PSMA1: variants seen among roughly 807,000 people sequenced by gnomAD.
PSMA1 encodes the protein proteasome subunit alpha type-1.
A neutral mutation model predicts 38.4 loss-of-function variants in PSMA1; 3 were observed. That is an observed-to-expected ratio of 0.08 (90% CI 0.04 to 0.20). The LOEUF is 0.20. Among genes scored for constraint, PSMA1 ranks in the 10% least tolerant of loss-of-function variants. The probability of loss-of-function intolerance (pLI) is 1.00; values close to 1 mark genes in which losing one functional copy is unlikely to be tolerated. For missense variants in PSMA1, 227 were observed against 325.3 expected (o/e 0.70, Z 2.32); for synonymous variants, 101 against 107.1 (o/e 0.94, Z 0.35).
intron 1 of PSMA1, among the ~76,000 whole-genome samples, chr11:14,616,953 A>T (rs1313293923): frequency 3.3e-5 from 5 of 152,206 alleles, no homozygotes; most frequent in Non-Finnish European, 7.3e-5. Context: ...GTATCTATGA[A>T]CAAAAGGGAT....
chr11:14,533,764 A>G (rs1252921830), intron 2 of PSMA1, among the ~76,000 whole-genome samples: 1 of 151,612 alleles, frequency 6.6e-6, no homozygotes, highest in East Asian at 1.9e-4. Flanking sequence ...CCCTCTTCTC[A>G]TTTCACAAGA....
At chr11:14,509,191 T>A (rs1470862356) in intron 8 of PSMA1, among the ~76,000 whole-genome samples, 1 of 152,160 alleles carries the variant, frequency 6.6e-6, no homozygotes, top group Non-Finnish European at 1.5e-5. Flanking sequence ...CTGACCTTCC[T>A]CCCCAACGCC....
intron 2 of PSMA1, among the ~76,000 whole-genome samples, chr11:14,527,108 C>G (rs1851595067): frequency 2.0e-5 from 3 of 152,162 alleles, no homozygotes. Flanking sequence ...TTAATAAAAA[C>G]TCTTCTCAAG....
At chr11:14,627,524 C>T (rs1852928596) in intron 1 of PSMA1, among the ~76,000 whole-genome samples, 1 of 152,180 alleles carries the variant, frequency 6.6e-6, no homozygotes. Flanking sequence ...CTTTGGAGTT[C>T]CATGGCCTGG....
At chr11:14,600,197 A>G (rs1310763197) in intron 2 of PSMA1, among the ~76,000 whole-genome samples, 1 of 152,100 alleles carries the variant, frequency 6.6e-6, no homozygotes, top group African/African-American at 2.4e-5. Context: ...GGTTACACGG[A>G]GGTTAGGGAT....
intron 2 of PSMA1, among the ~76,000 whole-genome samples, chr11:14,556,496 T>C (rs1269251455): frequency 4.6e-5 from 7 of 152,184 alleles, no homozygotes. Context: ...GTGTCCTTTT[T>C]CATTCTGTAT....
intron 2 of PSMA1, among the ~76,000 whole-genome samples, chr11:14,581,188 C>G (rs1363077188): frequency 6.6e-5 from 10 of 152,294 alleles, no homozygotes; most frequent in South Asian, 6.2e-4. Context: ...CATTCTCAGC[C>G]AATTCTGACG....
chr11:14,511,134 CTTATT>C (rs1851336161), intron 7 of PSMA1, 183 bp from the exon 8 acceptor site: 1 of 395,012 alleles, frequency 2.5e-6, no homozygotes, highest in South Asian at 5.7e-5. Context: ...ATTGCTGATT[CTTATT>C]TTATTTAATG....
chr11:14,566,235 T>C (rs1253258935), intron 2 of PSMA1, among the ~76,000 whole-genome samples: 2 of 152,206 alleles, frequency 1.3e-5, no homozygotes, highest in Admixed American at 6.5e-5. Context: ...CTAGCTGCTA[T>C]ATTGGGAATA....
At chr11:14,521,356 T>C (rs1202078190), upstream of PSMA1, among the ~76,000 whole-genome samples, 1 of 150,630 alleles carries the variant, frequency 6.6e-6, no homozygotes, top group Non-Finnish European at 1.5e-5. Flanking sequence ...GCTGGGCATG[T>C]TGGCATGGGC....
intron 1 of PSMA1, among the ~76,000 whole-genome samples, chr11:14,613,954 C>T (rs1444437761): frequency 3.9e-5 from 6 of 152,182 alleles, no homozygotes; most frequent in Non-Finnish European, 8.8e-5. Flanking sequence ...ATTTATCCTT[C>T]TACCTATCCA....
upstream of PSMA1, among the ~76,000 whole-genome samples, chr11:14,523,391 C>A (rs564961384): frequency 6.6e-6 from 1 of 152,236 alleles, no homozygotes; most frequent in East Asian, 1.9e-4. Flanking sequence ...TTGCCTCAGC[C>A]TCCCAAGTAG....
chr11:14,512,113 G>A (rs1851354379), intron 7 of PSMA1, among the ~76,000 whole-genome samples: 1 of 152,180 alleles, frequency 6.6e-6, no homozygotes, highest in African/African-American at 2.4e-5. Context: ...GGTGGCTCAC[G>A]CCTGTAATCC....
chr11:14,516,495 A>G (rs185984460), intron 4 of PSMA1, among the ~76,000 whole-genome samples: 1 of 152,356 alleles, frequency 6.6e-6, no homozygotes, highest in East Asian at 1.9e-4. Flanking sequence ...CACCCTTATA[A>G]TTTATATTCT....
intron 2 of PSMA1, among the ~76,000 whole-genome samples, chr11:14,541,435 T>A (rs1359035655): frequency 6.6e-6 from 1 of 152,216 alleles, no homozygotes; most frequent in Non-Finnish European, 1.5e-5. Context: ...CACACAGAAC[T>A]GGGGGAGCTC....
intron 2 of PSMA1, among the ~76,000 whole-genome samples, chr11:14,526,164 T>G (rs1457953407): frequency 6.6e-6 from 1 of 152,264 alleles, no homozygotes; most frequent in East Asian, 1.9e-4. Flanking sequence ...CCAGGCATGG[T>G]TGGATACTTT....
chr11:14,516,204 C>T (rs987090612), intron 4 of PSMA1, among the ~76,000 whole-genome samples: 2 of 98,866 alleles, frequency 2.0e-5, no homozygotes, highest in Admixed American at 1.1e-4. Context: ...CGCGAGACTC[C>T]GTCTCAAAAA....
At chr11:14,614,408 C>A (rs933078311) in intron 1 of PSMA1, among the ~76,000 whole-genome samples, 55 of 151,388 alleles carry the variant, frequency 3.6e-4, no homozygotes, top group Non-Finnish European at 5.3e-4. Context: ...AAAAAAAAAA[C>A]CCCAAATAAT....
intron 1 of PSMA1, chr11:14,519,272 A>G (rs1851485690): frequency 5.1e-6 from 3 of 582,984 alleles, no homozygotes; most frequent in Non-Finnish European, 3.2e-6. Flanking sequence ...CCAAACTCTT[A>G]TTCTAACACC....
Sources: allele counts gnomAD v4.1 joint callset (sites outside exome capture counted in the v4.1 genomes callset), GRCh38; gene constraint gnomAD v4.1.1; transcripts MANE v1.5; gene names NCBI Gene and HGNC (gene_info 2026-07-23, HGNC 2026-07-21).